SNTG2: variants seen among roughly 807,000 people sequenced by gnomAD.
SNTG2 encodes the protein syntrophin gamma 2, also known as gamma-2-syntrophin.
Under a neutral mutation model 70.9 loss-of-function variants are expected in SNTG2, and 74 were observed. The ratio of observed to expected loss-of-function variants is 1.04; its 90% confidence interval spans 0.86 to 1.27. SNTG2 has a LOEUF of 1.27. SNTG2 is among the 50% of genes most tolerant of loss of function. SNTG2 has a pLI of 0.00. For missense variants in SNTG2, 717 were observed against 690.7 expected (o/e 1.04, Z -0.43); for synonymous variants, 278 against 273.8 (o/e 1.02, Z -0.15).
At chr2:1,141,137 T>G (rs1034939537) in intron 6 of SNTG2, among the ~76,000 whole-genome samples, 1 of 152,220 alleles carries the variant, frequency 6.6e-6, no homozygotes, top group Non-Finnish European at 1.5e-5. Flanking sequence ...GACAGTTTAC[T>G]CAGCAGACCA....
At chr2:1,153,673 A>G (rs935247336) in intron 6 of SNTG2, among the ~76,000 whole-genome samples, 4 of 152,250 alleles carry the variant, frequency 2.6e-5, no homozygotes, top group Admixed American at 1.3e-4. Context: ...TGTTTTACAC[A>G]TAATCTCTCC....
chr2:962,994 G>A (rs949702175), intron 1 of SNTG2, among the ~76,000 whole-genome samples: 7 of 152,254 alleles, frequency 4.6e-5, no homozygotes, highest in Middle Eastern at 3.4e-3. Flanking sequence ...GATTTTTGGC[G>A]TGGTAACATG....
intron 9 of SNTG2, among the ~76,000 whole-genome samples, chr2:1,213,509 CAAGT>C (rs987017179): frequency 1.4e-4 from 22 of 152,182 alleles, no homozygotes; most frequent in African/African-American, 4.3e-4. Flanking sequence ...TTAATAAAAA[CAAGT>C]AAGATAATTA....
intron 9 of SNTG2, chr2:1,219,889 C>T (rs1297162704): frequency 1.3e-5 from 2 of 152,108 alleles, no homozygotes; most frequent in Non-Finnish European, 2.9e-5. Context: ...TAGGCACTCA[C>T]CTTATTTCAG....
At chr2:1,095,329 G>T (rs1283815722) in intron 2 of SNTG2, among the ~76,000 whole-genome samples, 1 of 152,096 alleles carries the variant, frequency 6.6e-6, no homozygotes, top group Non-Finnish European at 1.5e-5. Flanking sequence ...GCAGAAACTT[G>T]ATTTTAGAGA....
At chr2:1,268,569 C>T (rs1014420161) in intron 14 of SNTG2, among the ~76,000 whole-genome samples, 10 of 152,188 alleles carry the variant, frequency 6.6e-5, no homozygotes, top group Admixed American at 4.6e-4. Context: ...TCAAATTGGG[C>T]ACCCTAAATT....
chr2:1,047,991 G>T (rs1043831842), intron 1 of SNTG2, among the ~76,000 whole-genome samples: 1 of 150,688 alleles, frequency 6.6e-6, no homozygotes, highest in African/African-American at 2.4e-5. Context: ...TTCCTACTTT[G>T]CAAGGAAATT....
Position 950,889 on chromosome 2 carries a change from GGGGCGC to G in SNTG2, c.-99_-94del, listed in dbSNP as rs997947892. 9 of 406,758 alleles carry G rather than the reference GGGGCGC, an allele frequency of 2.2e-5. No homozygotes were observed. Among genetic ancestry groups the G allele is most frequent in the Non-Finnish European group, 3.4e-5 (9 of 266,722 alleles). The allele number at this position is 406,758 out of a possible 1,614,324, so 25.2% of individuals were successfully genotyped here. A position where few individuals can be genotyped will look rare whatever the true frequency, so the allele number is the denominator to read the frequency against. On this transcript the variant is annotated 5_prime_UTR_variant, in exon 1 of 17. Coordinates refer to ENST00000308624, the MANE Select transcript of SNTG2 (RefSeq NM_018968.4). ...TGGAGCCCGAGCCGGAGCCGGCAGAGGGGCGCGGGCGCGGACGCGGCGCCTGGCGGG... is the reference window on the plus strand; with the variant it reads ...TGGAGCCCGAGCCGGAGCCGGCAGAGGGGCGCGGACGCGGCGCCTGGCGGG...
At chr2:991,821 T>C (rs1257300192) in intron 1 of SNTG2, among the ~76,000 whole-genome samples, 1 of 152,210 alleles carries the variant, frequency 6.6e-6, no homozygotes, top group Non-Finnish European at 1.5e-5. Context: ...TTCATTGTAA[T>C]TATCAATAAA....
chr2:1,265,177 A>G (rs1037134751), intron 13 of SNTG2, among the ~76,000 whole-genome samples: 5 of 152,210 alleles, frequency 3.3e-5, no homozygotes, highest in Admixed American at 1.3e-4. Context: ...TTTCTGCACC[A>G]TAAGGTCAAT....
At chr2:1,161,935 G>GT (rs1670320035) in intron 6 of SNTG2, among the ~76,000 whole-genome samples, 7 of 152,004 alleles carry the variant, frequency 4.6e-5, no homozygotes, top group Admixed American at 1.3e-4. Flanking sequence ...TTAGCCAGGC[G>GT]AGATGGCGGG....
At chr2:1,306,664 GC>G (rs1680683573) in intron 14 of SNTG2, among the ~76,000 whole-genome samples, 1 of 145,974 alleles carries the variant, frequency 6.9e-6, no homozygotes, top group Admixed American at 7.1e-5. Context: ...ACTGGCTCCA[GC>G]CTCCCTCGGC....
At position 1,043,382 on chromosome 2, in the gene SNTG2, T is replaced by C. The variant is rs1294776700; in HGVS notation, c.73-40136T>C. On this transcript the variant is annotated intron_variant, in intron 1 of 16. Coordinates refer to ENST00000308624, the MANE Select transcript of SNTG2 (RefSeq NM_018968.4). ...TCCTGTAGGTTGTCTGTTTACTCTG[T>C]TGATAGTTTCTTTTGCCCTGAAGAC... 1.3e-5 allele frequency among the ~76,000 whole-genome samples: 2 copies of C among 152,176 alleles called. 1 individual carries two copies. Among genetic ancestry groups the C allele is most frequent in the Non-Finnish European group, 2.9e-5 (2 of 68,022 alleles).
At position 1,220,450 on chromosome 2, in the gene SNTG2, G is replaced by A. The variant is rs557669105; in HGVS notation, c.719+11220G>A. On this transcript the variant is annotated intron_variant, in intron 9 of 16. Coordinates refer to ENST00000308624, the MANE Select transcript of SNTG2 (RefSeq NM_018968.4). ...GACCTTTGTGGTTGGACGGCATGTC[G>A]TGTGTCCCCTGCTGCTGCTCTGCCT... Among the ~76,000 whole-genome samples, 8 of 152,274 alleles carry A rather than the reference G, an allele frequency of 5.3e-5. No homozygotes were observed. The East Asian group carries it at 1.4e-3, about 26-fold the overall frequency.
At chr2:1,120,756 G>T (rs1220286659) in intron 4 of SNTG2, among the ~76,000 whole-genome samples, 1 of 152,006 alleles carries the variant, frequency 6.6e-6, no homozygotes, top group African/African-American at 2.4e-5. Context: ...AATACATAAA[G>T]CAAATATTAA....
intron 14 of SNTG2, among the ~76,000 whole-genome samples, chr2:1,287,864 G>A (rs1370583617): frequency 6.6e-6 from 1 of 152,136 alleles, no homozygotes; most frequent in East Asian, 1.9e-4. Context: ...TTAATGGAAG[G>A]AGAAGCCTTC....
intron 8 of SNTG2, among the ~76,000 whole-genome samples, chr2:1,203,072 C>G (rs1310503958): frequency 6.6e-6 from 1 of 152,172 alleles, no homozygotes; most frequent in African/African-American, 2.4e-5. Flanking sequence ...TGGGACCTCA[C>G]TGACATTTAT....
In SNTG2 at chr2:1,068,619, C is replaced by T. The variant is rs550580001; in HGVS notation, c.73-14899C>T. ...AGCCATTTTATATTTTGTACTGTCGCGTATTGTTGGATTTTAGCTTCAATA... is the reference window on the plus strand; with the variant it reads ...AGCCATTTTATATTTTGTACTGTCGTGTATTGTTGGATTTTAGCTTCAATA... On this transcript the variant is annotated intron_variant, in intron 1 of 16. Coordinates refer to ENST00000308624, the MANE Select transcript of SNTG2 (RefSeq NM_018968.4). Among the ~76,000 whole-genome samples, 49 of 152,206 alleles carry T rather than the reference C, an allele frequency of 3.2e-4. No individual in the cohort carries two copies. In the South Asian group the frequency reaches 3.7e-3, roughly 12 times the overall value.
chr2:1,348,079 A>G (rs187682909), intron 16 of SNTG2, among the ~76,000 whole-genome samples: 112 of 152,214 alleles, frequency 7.4e-4, no homozygotes, highest in Middle Eastern at 6.8e-3. Context: ...GGCTCAAACA[A>G]AGTCTCCACA....
Sources: allele counts gnomAD v4.1 joint callset (sites outside exome capture counted in the v4.1 genomes callset), GRCh38; gene constraint gnomAD v4.1.1; transcripts MANE v1.5; gene names NCBI Gene and HGNC (gene_info 2026-07-23, HGNC 2026-07-21).